CD33: variants seen among roughly 807,000 people sequenced by gnomAD.
The protein encoded by CD33 is CD33 molecule.
CD33 carries 25 observed loss-of-function variants against 31.4 expected under a neutral mutation model. The ratio of observed to expected loss-of-function variants is 0.80; its 90% CI spans 0.58 to 1.11. The LOEUF (loss-of-function observed/expected upper bound fraction) is 1.11, where lower values mean the gene tolerates loss of function less well. CD33 is among the 50% of genes most tolerant of loss of function. The pLI, the probability that CD33 is intolerant of heterozygous loss-of-function variation, is 0.00. For missense variants in CD33, 407 were observed against 448.1 expected, an observed-to-expected ratio of 0.91 and a Z score of 0.83; for synonymous variants, 176 against 180.6, an observed-to-expected ratio of 0.97 and a Z score of 0.20.
the CD33 span, among the ~76,000 whole-genome samples, chr19:51,214,328 G>T: frequency 6.4e-3 from 967 of 151,906 alleles, 13 homozygotes; most frequent in African/African-American, 0.022. Flanking sequence ...CTCCTGAGTA[G>T]CTGGGATTAC....
At chr19:51,213,612 C>T in the CD33 span, among the ~76,000 whole-genome samples, 1 of 152,048 alleles carries the variant, frequency 6.6e-6, no homozygotes, top group Admixed American at 6.5e-5. Context: ...TCTCAGTCCA[C>T]TGCAACCTCC....
chr19:51,228,759 A>G (rs1405168613), intron 4 of CD33, among the ~76,000 whole-genome samples: 1 of 152,164 alleles, frequency 6.6e-6, no homozygotes, highest in African/African-American at 2.4e-5. Context: ...GCCTCAAGCA[A>G]TCTGCCCACT....
chr19:51,225,702 T>G, intron 2 of CD33, 101 bp from the exon 3 acceptor site: 1 of 1,537,944 alleles, frequency 6.5e-7, no homozygotes, highest in South Asian at 1.2e-5. Flanking sequence ...GGGTAAAGCC[T>G]GTCGTGCTTA....
Position 51,235,162 on chromosome 19 carries a change from C to A in CD33, c.751C>A (p.Gln251Lys). 1 of 1,613,630 alleles carries A rather than the reference C, an allele frequency of 6.2e-7. No individual in the cohort carries two copies. The highest frequency in any genetic ancestry group is 8.5e-7 in the Non-Finnish European group (1 of 1,179,528). ...GIFPGDGSGK[Q>K]ETRAGVVHGA... ...CAAATCTTTTTTGTCTGCAGGGAAA[C>A]AAGAGACCAGAGCAGGAGTGGTTCA... The change falls in exon 5 of 7, where the codon CAA (glutamine) becomes AAA (lysine). Residue 251 changes from glutamine (Q) to lysine (K), a missense_variant. By Grantham distance (53) the Gln-to-Lys change is moderately conservative (BLOSUM62 1). Transcript: ENST00000262262.
At chr19:51,227,622 A>C (rs975434929) in intron 4 of CD33, among the ~76,000 whole-genome samples, 1 of 152,182 alleles carries the variant, frequency 6.6e-6, no homozygotes, top group South Asian at 2.1e-4. Flanking sequence ...GATATGAATC[A>C]CTTGTCAGAT....
chr19:51,216,392 T>C, the CD33 span, among the ~76,000 whole-genome samples: 2 of 152,092 alleles, frequency 1.3e-5, no homozygotes, highest in African/African-American at 2.4e-5. Flanking sequence ...CTGGTAGACA[T>C]AGCATCAGAA....
the CD33 span, among the ~76,000 whole-genome samples, chr19:51,213,820 A>G: frequency 0.51 from 74,027 of 145,490 alleles, 19,921 homozygotes; most frequent in African/African-American, 0.72. Context: ...ACAGGCGTGA[A>G]CCACTGCGCC....
upstream of CD33, among the ~76,000 whole-genome samples, chr19:51,222,341 C>G (rs376474545): frequency 6.6e-6 from 1 of 152,126 alleles, no homozygotes; most frequent in South Asian, 2.1e-4. Context: ...TTTGGCAATT[C>G]CTACTAAGGT....
At chr19:51,219,118 G>A in the CD33 span, among the ~76,000 whole-genome samples, 81 of 152,188 alleles carry the variant, frequency 5.3e-4, no homozygotes, top group African/African-American at 1.9e-3. Context: ...TGGGCAGTAC[G>A]GTCATTTTCA....
upstream of CD33, among the ~76,000 whole-genome samples, chr19:51,223,713 T>G (rs1350425689): frequency 6.6e-6 from 1 of 152,252 alleles, no homozygotes; most frequent in Non-Finnish European, 1.5e-5. Context: ...ATAGAACATG[T>G]GTTCTCCCTT....
In CD33 at chr19:51,226,044, T is replaced by A; in HGVS notation, c.660T>A (p.Gly220=). 6.2e-7 allele frequency: 1 copy of A among 1,614,000 alleles called. No individual in the cohort carries two copies. The highest frequency in any genetic ancestry group is 8.5e-7 in the Non-Finnish European group (1 of 1,179,948). The part of the protein sequence containing the change: ...LTCQVKFAGA[G]VTTERTIQLN... ...GTCAGGTGAAGTTCGCTGGAGCTGG[T>A]GTGACTACGGAGAGAACCATCCAGC... The change falls in exon 3 of 7, where the codon GGT becomes GGA. Residue 220 remains glycine (G), a synonymous_variant. Coordinates refer to ENST00000262262, the MANE Select transcript of CD33 (RefSeq NM_001772.4).
upstream of CD33, among the ~76,000 whole-genome samples, chr19:51,224,099 G>A (rs1341452143): frequency 1.3e-5 from 2 of 151,990 alleles, no homozygotes; most frequent in Non-Finnish European, 2.9e-5. Context: ...AGGAGTTTCT[G>A]GCCGAGTTAA....
At chr19:51,234,241 A>G (rs1981623778) in intron 4 of CD33, among the ~76,000 whole-genome samples, 1 of 152,054 alleles carries the variant, frequency 6.6e-6, no homozygotes, top group African/African-American at 2.4e-5. Context: ...CCCCCATCAG[A>G]GTGGTACATT....
At position 51,225,428 on chromosome 19, in the gene CD33, A is replaced by G; in HGVS notation, c.248A>G (p.Gln83Arg). 6.2e-7 allele frequency: 1 copy of G among 1,614,206 alleles called. No homozygotes were observed. The highest frequency in any genetic ancestry group is 8.5e-7 in the Non-Finnish European group (1 of 1,180,020). ...ACAAACAAGCTAGATCAAGAAGTAC[A>G]GGAGGAGACTCAGGGCAGATTCCGC... is the stretch of plus-strand genomic sequence containing the variant. ...VATNKLDQEV[Q>R]EETQGRFRLL... The change falls in exon 2 of 7, where the codon CAG becomes CGG. Residue 83 changes from glutamine (Q) to arginine (R), a missense_variant. Transcript: ENST00000262262.
At chr19:51,211,686 T>C in the CD33 span, 2 of 969,008 alleles carry the variant, frequency 2.1e-6, no homozygotes, top group Non-Finnish European at 3.1e-6. Flanking sequence ...GGGTTGGGAA[T>C]GAAGCCTGTC....
At chr19:51,211,490 A>G in the CD33 span, 6 of 1,558,306 alleles carry the variant, frequency 3.9e-6, no homozygotes, top group Non-Finnish European at 5.2e-6. Context: ...AGCATCGTAG[A>G]CGCCAGGAGG....
chr19:51,219,560 G>A, the CD33 span, among the ~76,000 whole-genome samples: 1 of 152,146 alleles, frequency 6.6e-6, no homozygotes, highest in Admixed American at 6.5e-5. Context: ...TTCAGTATCA[G>A]GTTGAATAGC....
At chr19:51,214,320 C>T in the CD33 span, among the ~76,000 whole-genome samples, 14,952 of 151,696 alleles carry the variant, frequency 0.099, 1,392 homozygotes, top group Admixed American at 0.3. Flanking sequence ...GCCTCAGCCT[C>T]CTGAGTAGCT....
In CD33 at chr19:51,225,922, T is replaced by G; in HGVS notation, c.538T>G (p.Leu180Val). The change falls in exon 3 of 7, where the codon TTG becomes GTG. Residue 180 changes from leucine to valine, a missense_variant. Leu to Val is a conservative substitution (Grantham distance 32). Transcript: ENST00000262262. ...EQGTPPIFSW[L>V]SAAPTSLGPR... ...GGGAACACCCCCGATCTTCTCCTGG[T>G]TGTCAGCTGCCCCCACCTCCCTGGG... The G allele has an allele frequency of 6.2e-7, 1 of 1,613,966 alleles. No homozygotes were observed. Among genetic ancestry groups the G allele is most frequent in the Non-Finnish European group, 8.5e-7 (1 of 1,179,986 alleles).
Sources: gnomAD v4.1 joint callset for allele counts (sites outside exome capture counted in the v4.1 genomes callset) on GRCh38, gnomAD v4.1.1 for gene constraint, MANE v1.5 for transcripts, NCBI Gene and HGNC (gene_info 2026-07-23, HGNC 2026-07-21) for gene names.